Variants in RCCD1 observed in about 807,000 individuals in gnomAD.
RCCD1 encodes the protein RCC1 domain-containing protein 1.
In RCCD1, 40 loss-of-function variants were observed where a neutral mutation model predicts 37.6. That is an observed-to-expected ratio of 1.06 (90% CI 0.83 to 1.39). The LOEUF is 1.39. Among genes scored for constraint, RCCD1 ranks in the 40% most tolerant of loss-of-function variants. The pLI is 0.00. For synonymous variants in RCCD1, 263 were observed against 230.0 expected, an observed-to-expected ratio of 1.14 and a Z score of -1.30; for missense variants, 577 against 517.3, an observed-to-expected ratio of 1.12 and a Z score of -1.12.
chr15:90,958,627 CAAAAAA>C (rs5814447), intron 4 of RCCD1, among the ~76,000 whole-genome samples: 4 of 75,002 alleles, frequency 5.3e-5, no homozygotes, highest in South Asian at 4.3e-4. Context: ...GACTCAGTCT[CAAAAAA>C]AAAAAAAAAA....
intron 4 of RCCD1, among the ~76,000 whole-genome samples, 197 bp downstream of exon 4, chr15:90,957,922 G>C (rs552281896): frequency 6.6e-6 from 1 of 152,194 alleles, no homozygotes; most frequent in South Asian, 2.1e-4. Flanking sequence ...CCTGGACTCT[G>C]GCATTTGTTC....
chr15:90,957,451 C>T lies in RCCD1; in HGVS notation c.505C>T (p.His169Tyr). 6.5e-7 allele frequency: 1 copy of T among 1,540,088 alleles called. No individual in the cohort carries two copies. Residue 169 changes from histidine (H) to tyrosine (Y), a missense_variant, in exon 3 of 8, where the codon CAC (histidine) becomes TAC (tyrosine). Physicochemically the swap from His to Tyr is moderately conservative, Grantham distance 83. Transcript: ENST00000394258. ...RARQLELGAE[H>Y]ALLLDAAGQV... Reference sequence around the variant, plus strand: ...ACGCCAGCTGGAGCTGGGCGCCGAGCACGCGTTGCTGCTGGACGCTGCTGG... The same window carrying T: ...ACGCCAGCTGGAGCTGGGCGCCGAGTACGCGTTGCTGCTGGACGCTGCTGG...
intron 6 of RCCD1, 151 bp from the exon 7 acceptor site, chr15:90,960,858 GCCATGCCACGTGTGAT>G (rs1270359335): frequency 1.4e-6 from 1 of 739,182 alleles, no homozygotes; most frequent in Non-Finnish European, 2.4e-6. Flanking sequence ...GGGATCCTCT[GCCATGCCACGTGTGAT>G]CAGCCAGTTG....
chr15:90,955,713 A>C (rs112500195), intron 1 of RCCD1: 14 of 141,330 alleles, frequency 9.9e-5, no homozygotes, highest in African/African-American at 2.6e-4. Flanking sequence ...AAAAAAAAAA[A>C]AAACAAACCC....
At chr15:90,960,769 C>T in intron 6 of RCCD1, 1 of 618,572 alleles carries the variant, frequency 1.6e-6, no homozygotes, top group Non-Finnish European at 2.9e-6. Flanking sequence ...CCTCTGACAG[C>T]AGGGACTGTC....
In RCCD1 at chr15:90,962,153, C is replaced by G. The variant is rs1240831834; in HGVS notation, c.*384C>G. On this transcript the variant is annotated 3_prime_UTR_variant, in exon 8 of 8. Transcript: ENST00000394258. ...TTCCCTGCTTTCGTTTGAATTTTAC[C>G]ATTCTTGTATGCAGCCTTATACGAC... The G allele has an allele frequency of 6.1e-6, 1 of 164,474 alleles. No homozygotes were observed. The highest frequency in any genetic ancestry group is 2.4e-5 in the African/African-American group (1 of 41,796). The allele number at this position is 164,474 out of a possible 1,614,324, so 10.2% of individuals were successfully genotyped here.
rs1034403706 is a variant in RCCD1 at position 90,956,569 on chromosome 15, C to G, written c.-123-43C>G. The stretch of plus-strand genomic sequence containing the variant: ...TCAGCGAACCTTCGTGGCACGGACT[C>G]TGCCTTTGTGGTCGGGAGAATGATA... On this transcript the variant is annotated intron_variant, in intron 1 of 7. Transcript: ENST00000394258. 4.7e-6 allele frequency: 3 copies of G among 637,728 alleles called. No homozygotes were observed. The East Asian group carries it at 1.0e-4, about 22-fold the overall frequency. The allele number at this position is 637,728 out of a possible 1,614,324, so 39.5% of individuals were successfully genotyped here. A position where few individuals can be genotyped will look rare whatever the true frequency, so the allele number is the denominator to read the frequency against.
intron 6 of RCCD1, 63 bp downstream of exon 6, chr15:90,960,561 C>T (rs376027956): frequency 5.1e-5 from 77 of 1,507,700 alleles, no homozygotes; most frequent in East Asian, 3.9e-4. Context: ...GGGGTGTGGT[C>T]GACGGAAAAA....
intron 2 of RCCD1, 55 bp downstream of exon 2, chr15:90,956,955 C>T (rs2037208817): frequency 7.9e-7 from 1 of 1,269,972 alleles, no homozygotes; most frequent in South Asian, 3.0e-5. Context: ...CCAGTCGCCT[C>T]CCCGCACCGC....
chr15:90,961,095 G>A (rs1376112518), intron 7 of RCCD1, 41 bp downstream of exon 7: 4 of 1,601,700 alleles, frequency 2.5e-6, no homozygotes, highest in East Asian at 2.2e-5. Context: ...AAACCAAGGA[G>A]AAGAAAGACC....
chr15:90,956,938 G>T (rs1321981630), intron 2 of RCCD1, 38 bp downstream of exon 2: 6 of 1,264,472 alleles, frequency 4.7e-6, no homozygotes, highest in Non-Finnish European at 6.0e-6. Context: ...TATTCCAGCC[G>T]CGCTCCCCAG....
rs1384574803 is a variant in RCCD1 at position 90,957,460 on chromosome 15, C to A, written c.514C>A (p.Leu172Met). The change falls in exon 3 of 8, where the codon CTG becomes ATG. Residue 172 changes from leucine to methionine, a missense_variant. Leu to Met is a conservative substitution (Grantham distance 15). Transcript: ENST00000394258. ...GGAGCTGGGCGCCGAGCACGCGTTG[C>A]TGCTGGACGCTGCTGGCCAGGTGTT... ...QLELGAEHAL[L>M]LDAAGQVFSW... 8 of 1,540,578 alleles carry A rather than the reference C, an allele frequency of 5.2e-6. No individual in the cohort carries two copies. The East Asian group carries it at 1.5e-4, about 28-fold the overall frequency.
intron 4 of RCCD1, 78 bp from the exon 5 acceptor site, chr15:90,959,822 G>A (rs1596254286): frequency 2.7e-6 from 3 of 1,118,964 alleles, no homozygotes; most frequent in South Asian, 1.5e-5. Flanking sequence ...CCCCAGGAGC[G>A]GATGCGATGG....
chr15:90,961,555 C>T, intron 7 of RCCD1, 63 bp from the exon 8 acceptor site: 11 of 1,545,416 alleles, frequency 7.1e-6, no homozygotes, highest in Non-Finnish European at 7.0e-6. Flanking sequence ...GGGCCCCTTC[C>T]TGGAGGGAAA....
rs2037209429 is a variant in RCCD1, at chr15:90,956,989, C to T, written c.166+89C>T. ...GCTGTGGCCAGTCCAGTTTGTCTCC[C>T]CCGTTCAGGCCGCCAGCCCCACATT... On this transcript the variant is annotated intron_variant, in intron 2 of 7. Transcript: ENST00000394258. The T allele has an allele frequency of 4.7e-6, 6 of 1,284,004 alleles. No individual in the cohort carries two copies. In the South Asian group the frequency reaches 1.3e-4, roughly 28 times the overall value. The allele number at this position is 1,284,004 out of a possible 1,614,324, so 79.5% of individuals were successfully genotyped here. A position where few individuals can be genotyped will look rare whatever the true frequency, so the allele number is the denominator to read the frequency against.
rs2037343372 is a variant in RCCD1 at position 90,962,963 on chromosome 15, G to GAAAACTA, written c.*1194_*1195insAAAACTA. The GAAAACTA allele has an allele frequency of 1.3e-5, 2 of 152,128 alleles. No homozygotes were observed. Among genetic ancestry groups the GAAAACTA allele is most frequent in the Admixed American group, 6.5e-5 (1 of 15,272 alleles). The allele number at this position is 152,128 out of a possible 1,614,324, so 9.4% of individuals were successfully genotyped here. ...GTATCAACTTATTTTGATAAAATAA[G>GAAAACTA]CTTATCAGTAGTTTTCTTTATAGTT... On this transcript the variant is annotated 3_prime_UTR_variant, in exon 8 of 8. Transcript: ENST00000394258.
chr15:90,961,249 A>C (rs981820456), intron 7 of RCCD1, 195 bp downstream of exon 7: 1 of 611,786 alleles, frequency 1.6e-6, no homozygotes, highest in African/African-American at 1.8e-5. Flanking sequence ...CAGGGGAGAC[A>C]TGGAGAGGAT....
At position 90,957,695 on chromosome 15, in the gene RCCD1, G is replaced by T. The variant is rs149096037; in HGVS notation, c.649G>T (p.Ala217Ser). 766 of 1,612,778 alleles carry T rather than the reference G, an allele frequency of 4.7e-4. 5 individuals are homozygous for T. In the African/African-American group the frequency reaches 9.3e-3, roughly 19 times the overall value. Residue 217 changes from alanine (A) to serine (S), a missense_variant, in exon 4 of 8, where the codon GCG becomes TCG. Transcript: ENST00000394258. ...GGGCCTAGTCATGGCTGAGGTGGCC[G>T]CGGGGGGCTGGCATTCTGTGTGTGT... ...LQGLVMAEVA[A>S]GGWHSVCVSE...
rs1406787125 is a variant in RCCD1, at chr15:90,956,727, G to A, written c.-8G>A. 2 of 1,293,084 alleles carry A rather than the reference G, an allele frequency of 1.5e-6. No homozygotes were observed. Among genetic ancestry groups the A allele is most frequent in the South Asian group, 2.8e-5 (1 of 35,714 alleles). The allele number at this position is 1,293,084 out of a possible 1,614,324, so 80.1% of individuals were successfully genotyped here. Reference sequence around the variant, plus strand: ...CAGGCGGCGGCCGGCAGAGGGCGCTGCTCGGGCATGGCGGAGGAGCGGCCG... The same window carrying A: ...CAGGCGGCGGCCGGCAGAGGGCGCTACTCGGGCATGGCGGAGGAGCGGCCG... On this transcript the variant is annotated 5_prime_UTR_variant, in exon 2 of 8. Coordinates refer to ENST00000394258, the MANE Select transcript of RCCD1 (RefSeq NM_001017919.2).
Sources: gnomAD v4.1 joint callset for allele counts (sites outside exome capture counted in the v4.1 genomes callset) on GRCh38, gnomAD v4.1.1 for gene constraint, MANE v1.5 for transcripts, NCBI Gene and HGNC (gene_info 2026-07-23, HGNC 2026-07-21) for gene names.